SULF2: variants seen among roughly 807,000 people sequenced by gnomAD.
SULF2 encodes the protein extracellular sulfatase Sulf-2.
SULF2 carries 52 observed loss-of-function variants against 107.7 expected under a neutral mutation model. The ratio of observed to expected loss-of-function variants is 0.48; its 90% CI spans 0.39 to 0.61. SULF2 has a LOEUF of 0.61. Among genes scored for constraint, SULF2 ranks in the 20% least tolerant of loss-of-function variants. The probability of loss-of-function intolerance (pLI) is 0.00; values close to 1 mark genes in which losing one functional copy is unlikely to be tolerated. For missense variants in SULF2, 993 were observed against 1,177.3 expected, an observed-to-expected ratio of 0.84 and a Z score of 2.29; for synonymous variants, 460 against 464.3, an observed-to-expected ratio of 0.99 and a Z score of 0.12.
intron 1 of SULF2, among the ~76,000 whole-genome samples, chr20:47,770,937 G>A (rs965535443): frequency 1.3e-5 from 2 of 152,148 alleles, no homozygotes; most frequent in African/African-American, 4.8e-5. Flanking sequence ...CTTCCACCAG[G>A]GCTACGCACG....
intron 1 of SULF2, among the ~76,000 whole-genome samples, chr20:47,777,977 A>C (rs1441418769): frequency 2.0e-5 from 3 of 151,656 alleles, no homozygotes; most frequent in Non-Finnish European, 4.4e-5. Context: ...CTCTACCAAA[A>C]AAAAAAAAAA....
chr20:47,702,216 C>G (rs1021486960), intron 4 of SULF2, among the ~76,000 whole-genome samples: 30 of 152,140 alleles, frequency 2.0e-4, no homozygotes, highest in Admixed American at 5.2e-4. Context: ...TGCCACCACA[C>G]CCGGCTAAGT....
chr20:47,730,240 C>G (rs899994650), intron 3 of SULF2, among the ~76,000 whole-genome samples: 1 of 152,208 alleles, frequency 6.6e-6, no homozygotes, highest in Non-Finnish European at 1.5e-5. Flanking sequence ...ACCCCCTGCT[C>G]CCCTGACGCA....
At chr20:47,774,961 G>T (rs6066465) in intron 1 of SULF2, among the ~76,000 whole-genome samples, 1 of 152,310 alleles carries the variant, frequency 6.6e-6, no homozygotes, top group South Asian at 2.1e-4. Flanking sequence ...CCTGCGCCAA[G>T]GTCCCCAGAA....
At chr20:47,715,398 A>G (rs2089082460) in intron 3 of SULF2, among the ~76,000 whole-genome samples, 1 of 152,126 alleles carries the variant, frequency 6.6e-6, no homozygotes. Context: ...CCACCAGAGT[A>G]CCAGCCCCAT....
intron 2 of SULF2, among the ~76,000 whole-genome samples, chr20:47,753,369 G>T (rs1271858559): frequency 6.6e-6 from 1 of 152,208 alleles, no homozygotes; most frequent in Non-Finnish European, 1.5e-5. Flanking sequence ...GCTTGAGAAA[G>T]TTCTTCTCTT....
At chr20:47,696,756 A>C (rs2088393061) in intron 4 of SULF2, among the ~76,000 whole-genome samples, 1 of 152,170 alleles carries the variant, frequency 6.6e-6, no homozygotes, top group Non-Finnish European at 1.5e-5. Flanking sequence ...CATTTGAATA[A>C]GGACCTCAGG....
chr20:47,659,864 A>G, intron 18 of SULF2, 134 bp from the exon 19 acceptor site: 1 of 690,880 alleles, frequency 1.4e-6, no homozygotes, highest in Non-Finnish European at 2.5e-6. Context: ...CTCAGAGTAG[A>G]CTGAATTATG....
At chr20:47,782,203 C>A (rs1345626677) in intron 1 of SULF2, among the ~76,000 whole-genome samples, 1 of 152,204 alleles carries the variant, frequency 6.6e-6, no homozygotes, top group Non-Finnish European at 1.5e-5. Context: ...CTCTCCCTTC[C>A]GGTCCATTCA....
chr20:47,660,123 T>C (rs1446199325), intron 18 of SULF2, among the ~76,000 whole-genome samples: 3 of 152,230 alleles, frequency 2.0e-5, no homozygotes, highest in African/African-American at 4.8e-5. Flanking sequence ...TTCCCGAGGA[T>C]GTGGCAGGAT....
In SULF2 at chr20:47,733,798, A is replaced by G. The variant is rs145371980; in HGVS notation, c.415+2905T>C. Reference sequence around the variant, plus strand: ...AGAAAAAGAAAAAAAGAGATGTAACATAACAGAGTTATTCTCGAAACATTG... The same window carrying G: ...AGAAAAAGAAAAAAAGAGATGTAACGTAACAGAGTTATTCTCGAAACATTG... On this transcript the variant is annotated intron_variant, in intron 3 of 20. Coordinates refer to ENST00000688720, the MANE Select transcript of SULF2 (RefSeq NM_001387048.1). Among the ~76,000 whole-genome samples the G allele has an allele frequency of 7.5e-3, 1,146 of 152,336 alleles. 10 individuals carry two copies. The highest frequency in any genetic ancestry group is 0.012 in the Non-Finnish European group (811 of 68,030).
At chr20:47,758,625 G>C (rs1185410935) in intron 1 of SULF2, among the ~76,000 whole-genome samples, 1 of 152,130 alleles carries the variant, frequency 6.6e-6, no homozygotes, top group African/African-American at 2.4e-5. Flanking sequence ...GTGCGGGGAG[G>C]TGGGGACGCG....
intron 11 of SULF2, among the ~76,000 whole-genome samples, chr20:47,667,884 C>G (rs946239519): frequency 6.6e-6 from 1 of 152,178 alleles, no homozygotes; most frequent in Non-Finnish European, 1.5e-5. Flanking sequence ...GTGCCACCCC[C>G]ACTCTTGGGG....
intron 3 of SULF2, among the ~76,000 whole-genome samples, chr20:47,735,715 G>T (rs2089712071): frequency 6.6e-6 from 1 of 152,194 alleles, no homozygotes; most frequent in Non-Finnish European, 1.5e-5. Context: ...GGTGATTCTG[G>T]CTATGGGATG....
chr20:47,689,131 G>A (rs1441379317), intron 5 of SULF2, among the ~76,000 whole-genome samples: 2 of 152,152 alleles, frequency 1.3e-5, no homozygotes, highest in Non-Finnish European at 2.9e-5. Context: ...GTGACCTCAG[G>A]TAAGTTACCT....
chr20:47,690,284 T>C lies in SULF2; in HGVS notation c.579A>G (p.Thr193=). The C allele has an allele frequency of 6.6e-7, 1 of 1,505,126 alleles. No individual in the cohort carries two copies. The highest frequency in any genetic ancestry group is 8.9e-7 in the Non-Finnish European group (1 of 1,119,752). The allele number at this position is 1,505,126 out of a possible 1,614,324, so 93.2% of individuals were successfully genotyped here. ...HGSDYSKDYL[T]DLITNDSVSF... is the part of the protein sequence containing the mutation. ...TCACGCTGTCATTGGTGATGAGGTC[T>C]GTGAGGTAATCCTGGGGGGTGGGGA... The change falls in exon 5 of 21, where the codon ACA becomes ACG. Residue 193 remains threonine, a synonymous_variant. Coordinates refer to ENST00000688720, the MANE Select transcript of SULF2 (RefSeq NM_001387048.1).
chr20:47,776,550 T>C (rs1299301536), intron 1 of SULF2, among the ~76,000 whole-genome samples: 3 of 152,192 alleles, frequency 2.0e-5, no homozygotes, highest in African/African-American at 7.2e-5. Context: ...TCCTGGGCTG[T>C]GACCGCTGTT....
intron 1 of SULF2, among the ~76,000 whole-genome samples, chr20:47,784,595 T>C (rs1375745962): frequency 2.0e-5 from 3 of 152,124 alleles, no homozygotes; most frequent in Admixed American, 6.5e-5. Flanking sequence ...CGGCAGCTTC[T>C]GGCGCGCAGG....
At chr20:47,749,517 G>A (rs1321840295) in intron 2 of SULF2, among the ~76,000 whole-genome samples, 1 of 152,240 alleles carries the variant, frequency 6.6e-6, no homozygotes, top group Non-Finnish European at 1.5e-5. Flanking sequence ...GAGAGGCTGA[G>A]CTGGAAGTTA....
Sources: gnomAD v4.1 joint callset for allele counts (sites outside exome capture counted in the v4.1 genomes callset) on GRCh38, gnomAD v4.1.1 for gene constraint, MANE v1.5 for transcripts, NCBI Gene and HGNC (gene_info 2026-07-23, HGNC 2026-07-21) for gene names.